LYPLAL1: variants seen among roughly 807,000 people sequenced by gnomAD.
LYPLAL1 encodes lysophospholipase-like protein 1.
LYPLAL1 carries 23 observed loss-of-function variants against 19.7 expected under a neutral mutation model. The ratio of observed to expected loss-of-function variants is 1.17; its 90% CI spans 0.84 to 1.65. The LOEUF (loss-of-function observed/expected upper bound fraction) is 1.65, where lower values mean the gene tolerates loss of function less well. LYPLAL1 is among the 40% of genes most tolerant of loss of function. LYPLAL1 has a pLI of 0.00. For synonymous variants in LYPLAL1, 119 were observed against 96.3 expected (o/e 1.24, Z -1.38); for missense variants, 355 against 279.4 (o/e 1.27, Z -1.93).
At chr1:219,253,988 A>G in the LYPLAL1 span, among the ~76,000 whole-genome samples, 1 of 152,026 alleles carries the variant, frequency 6.6e-6, no homozygotes, top group Non-Finnish European at 1.5e-5. Flanking sequence ...TAAATTTAGG[A>G]TAGTTGACTC....
chr1:219,370,961 A>G, the LYPLAL1 span, among the ~76,000 whole-genome samples: 1 of 152,216 alleles, frequency 6.6e-6, no homozygotes, highest in Non-Finnish European at 1.5e-5. Context: ...GAGAAGAAGT[A>G]TAAAGTAATT....
the LYPLAL1 span, among the ~76,000 whole-genome samples, chr1:219,303,272 G>A: frequency 6.6e-6 from 1 of 152,162 alleles, no homozygotes; most frequent in Non-Finnish European, 1.5e-5. Context: ...TCAAGACATA[G>A]CTATAAACTA....
intron 3 of LYPLAL1, chr1:219,193,596 A>G (rs1017014651): frequency 2.0e-4 from 33 of 161,990 alleles, no homozygotes; most frequent in African/African-American, 7.9e-4. Context: ...TTAAACATCT[A>G]TTGCCATTAA....
the LYPLAL1 span, among the ~76,000 whole-genome samples, chr1:219,375,006 T>C: frequency 6.6e-6 from 1 of 152,228 alleles, no homozygotes; most frequent in South Asian, 2.1e-4. Context: ...TGCATCCCAG[T>C]ATCTCCACGT....
chr1:219,367,849 T>C, the LYPLAL1 span, among the ~76,000 whole-genome samples: 3 of 152,178 alleles, frequency 2.0e-5, no homozygotes, highest in Non-Finnish European at 4.4e-5. Flanking sequence ...ATTAAAAATA[T>C]TTGTCTGCAA....
At chr1:219,307,193 T>G in the LYPLAL1 span, among the ~76,000 whole-genome samples, 6 of 152,182 alleles carry the variant, frequency 3.9e-5, no homozygotes, top group Admixed American at 6.5e-5. Context: ...ATTCATTTCT[T>G]CTTTCTACTT....
intron 2 of LYPLAL1, among the ~76,000 whole-genome samples, chr1:219,188,884 T>C (rs1013069320): frequency 1.3e-5 from 2 of 151,712 alleles, no homozygotes; most frequent in Non-Finnish European, 3.0e-5. Context: ...ATAACATATG[T>C]GATAGTTTTT....
chr1:219,308,198 T>A, the LYPLAL1 span, among the ~76,000 whole-genome samples: 2 of 152,140 alleles, frequency 1.3e-5, no homozygotes, highest in Non-Finnish European at 2.9e-5. Flanking sequence ...TTGAGAGAGA[T>A]GATTTAGGGT....
the LYPLAL1 span, among the ~76,000 whole-genome samples, chr1:219,325,147 G>A: frequency 3.3e-5 from 5 of 152,178 alleles, no homozygotes; most frequent in African/African-American, 1.2e-4. Context: ...CAGTGGGTCA[G>A]GCCAGATTTA....
intron 3 of LYPLAL1, among the ~76,000 whole-genome samples, chr1:219,205,567 A>G (rs1033901751): frequency 1.3e-5 from 2 of 152,194 alleles, no homozygotes; most frequent in African/African-American, 4.8e-5. Context: ...AGTACAAAAT[A>G]TTGTAAAATT....
chr1:219,293,196 AAT>A, the LYPLAL1 span, among the ~76,000 whole-genome samples: 16 of 152,166 alleles, frequency 1.1e-4, no homozygotes, highest in Non-Finnish European at 1.9e-4. Flanking sequence ...ATGAGCCAGA[AAT>A]GAGAACAGCT....
At chr1:219,344,292 AT>A in the LYPLAL1 span, among the ~76,000 whole-genome samples, 10 of 152,218 alleles carry the variant, frequency 6.6e-5, no homozygotes, top group Non-Finnish European at 1.2e-4. Context: ...TCTTTATAGC[AT>A]TTGACACTGC....
At chr1:219,323,630 G>T in the LYPLAL1 span, among the ~76,000 whole-genome samples, 7,085 of 152,206 alleles carry the variant, frequency 0.047, 340 homozygotes, top group East Asian at 0.22. Context: ...AGTGACCCAT[G>T]GACAGGGAGA....
intron 4 of LYPLAL1, 107 bp downstream of exon 4, chr1:219,210,754 C>A: frequency 1.0e-6 from 1 of 998,046 alleles, no homozygotes; most frequent in Non-Finnish European, 1.4e-6. Context: ...AGTTGATGCA[C>A]AGTTGATATG....
chr1:219,346,463 T>TTG, the LYPLAL1 span, among the ~76,000 whole-genome samples: 77 of 114,216 alleles, frequency 6.7e-4, 1 homozygote, highest in Non-Finnish European at 1.8e-4. Context: ...AATTTCTATT[T>TTG]TTTTTTTTTT....
chr1:219,379,464 T>C, the LYPLAL1 span, among the ~76,000 whole-genome samples: 2 of 152,214 alleles, frequency 1.3e-5, no homozygotes, highest in Non-Finnish European at 2.9e-5. Flanking sequence ...CAGTTTTTGC[T>C]GCAGTTAGCT....
At chr1:219,399,969 C>T in the LYPLAL1 span, among the ~76,000 whole-genome samples, 1 of 152,202 alleles carries the variant, frequency 6.6e-6, no homozygotes, top group Non-Finnish European at 1.5e-5. Context: ...CTCTAAGCAG[C>T]TCTCCCTGCC....
chr1:219,356,900 TG>T, the LYPLAL1 span, among the ~76,000 whole-genome samples: 1 of 152,356 alleles, frequency 6.6e-6, no homozygotes, highest in East Asian at 1.9e-4. Context: ...TGGAACATTT[TG>T]GTTCATTGAA....
At chr1:219,196,027 G>A (rs974227078) in intron 3 of LYPLAL1, among the ~76,000 whole-genome samples, 1 of 152,106 alleles carries the variant, frequency 6.6e-6, no homozygotes, top group African/African-American at 2.4e-5. Flanking sequence ...TTTTATGGCT[G>A]CATAGTATTC....
Sources: allele counts gnomAD v4.1 joint callset (sites outside exome capture counted in the v4.1 genomes callset), GRCh38; gene constraint gnomAD v4.1.1; transcripts MANE v1.5; gene names NCBI Gene and HGNC (gene_info 2026-07-23, HGNC 2026-07-21).